Variants in ATG16L2 observed in about 807,000 individuals in gnomAD.
ATG16L2 encodes protein Atg16l2.
ATG16L2 carries 77 observed loss-of-function variants against 84.7 expected under a neutral mutation model. The observed-to-expected ratio is 0.91, with a 90% confidence interval of 0.76 to 1.10. ATG16L2 has a LOEUF of 1.10. ATG16L2 is among the 50% of genes least tolerant of loss of function. The pLI, the probability that ATG16L2 is intolerant of heterozygous loss-of-function variation, is 0.00. For synonymous variants in ATG16L2, 361 were observed against 342.8 expected, an observed-to-expected ratio of 1.05 and a Z score of -0.59; for missense variants, 782 against 817.6, an observed-to-expected ratio of 0.96 and a Z score of 0.53.
intron 5 of ATG16L2, among the ~76,000 whole-genome samples, chr11:72,842,316 C>A (rs1057412571): frequency 6.6e-6 from 1 of 152,210 alleles, no homozygotes; most frequent in Non-Finnish European, 1.5e-5. Context: ...CTTCCCTCTT[C>A]GGTTTGTTTC....
intron 1 of ATG16L2, among the ~76,000 whole-genome samples, chr11:72,815,639 T>A (rs1859661815): frequency 6.6e-6 from 1 of 152,102 alleles, no homozygotes; most frequent in Non-Finnish European, 1.5e-5. Flanking sequence ...TCTTCTTACT[T>A]GTTAATTGGG....
Position 72,826,183 on chromosome 11 carries a change from G to T in ATG16L2, c.1113G>T (p.Glu371Asp). Residue 371 changes from glutamate (E) to aspartate (D), a missense_variant, in exon 11 of 18, where the codon GAG (glutamate) becomes GAT (aspartate). Coordinates refer to ENST00000321297, the MANE Select transcript of ATG16L2 (RefSeq NM_033388.2). ...CCCTGGTCCTCCCAGGTCGCCTGGA[G>T]GCCAACCAGACCCTGGAGGGAGCTG... ...HLWNVVGSRL[E>D]ANQTLEGAGG... is the part of the protein sequence containing the mutation. The T allele has an allele frequency of 1.2e-6, 2 of 1,613,378 alleles. No individual in the cohort carries two copies. Among genetic ancestry groups the T allele is most frequent in the Non-Finnish European group, 1.7e-6 (2 of 1,179,498 alleles).
intron 1 of ATG16L2, among the ~76,000 whole-genome samples, chr11:72,815,078 C>T (rs10751216): frequency 0.5 from 76,654 of 152,144 alleles, 19,513 homozygotes; most frequent in East Asian, 0.63. Context: ...TGGAACACCT[C>T]CCTGTCAGCC....
At chr11:72,840,906 G>C in intron 5 of ATG16L2, 2 of 1,613,182 alleles carry the variant, frequency 1.2e-6, no homozygotes, top group Non-Finnish European at 1.7e-6. Flanking sequence ...GAGGTCTCAG[G>C]AGTATGCCTT....
chr11:72,841,344 A>C, intron 5 of ATG16L2: 3 of 425,526 alleles, frequency 7.1e-6, no homozygotes. Flanking sequence ...TGTCTCCAAA[A>C]AAAAAAAAAA....
At chr11:72,823,503 C>G (rs1001779308) in intron 7 of ATG16L2, 2 of 369,278 alleles carry the variant, frequency 5.4e-6, no homozygotes, top group African/African-American at 4.3e-5. Flanking sequence ...TTGAGGCTGC[C>G]CGCTCTGGGC....
intron 14 of ATG16L2, among the ~76,000 whole-genome samples, chr11:72,827,890 G>A (rs538448260): frequency 1.3e-5 from 2 of 152,272 alleles, no homozygotes; most frequent in African/African-American, 4.8e-5. Flanking sequence ...CCCAGATTGC[G>A]CCACTGCCGT....
At chr11:72,828,859 C>T (rs1860515668) in intron 16 of ATG16L2, 24 bp from the exon 17 acceptor site, 1 of 1,614,036 alleles carries the variant, frequency 6.2e-7, no homozygotes, top group Non-Finnish European at 8.5e-7. Context: ...CCCCCGTTTT[C>T]TTGCTCTGCT....
chr11:72,826,844 C>A (rs1441475591), intron 13 of ATG16L2, 21 bp downstream of exon 13: 1 of 1,610,418 alleles, frequency 6.2e-7, no homozygotes, highest in African/African-American at 1.3e-5. Flanking sequence ...GCCCCAGCCC[C>A]ACCTCTCCTC....
rs1459109433 is a variant in ATG16L2 at position 72,827,162 on chromosome 11, C to T, written c.1367-26C>T. On this transcript the variant is annotated intron_variant, in intron 13 of 17. Transcript: ENST00000321297. ...GCTCCCGACAACCCTCCTCTGAGGC[C>T]CTGGGGTCTGCTGCTTGGTCCCCAG... 4 of 1,587,780 alleles carry T rather than the reference C, an allele frequency of 2.5e-6. No individual in the cohort carries two copies. The South Asian group carries it at 4.4e-5, about 18-fold the overall frequency.
Position 72,822,990 on chromosome 11 carries a change from T to A in ATG16L2, c.824+29T>A. The stretch of plus-strand genomic sequence containing the variant: ...AGGACCCAGGTGACAGTCTCAGAGC[T>A]CTGAGCTGAGCCCCACCCCAGAGGC... On this transcript the variant is annotated intron_variant, in intron 7 of 17. Coordinates refer to ENST00000321297, the MANE Select transcript of ATG16L2 (RefSeq NM_033388.2). The surrounding 1 kb of genome is among the most constrained non-coding windows in gnomAD (Gnocchi z 4.2). 2.7e-6 allele frequency: 4 copies of A among 1,496,492 alleles called. No homozygotes were observed. The highest frequency in any genetic ancestry group is 3.6e-6 in the Non-Finnish European group (4 of 1,101,452). The allele number at this position is 1,496,492 out of a possible 1,614,324, so 92.7% of individuals were successfully genotyped here.
At position 72,839,015 on chromosome 11, in the gene ATG16L2, C is replaced by A; in HGVS notation, c.*22-3602C>A. On this transcript the variant is annotated intron_variant, in intron 5 of 5. Coordinates refer to the ATG16L2 transcript ENST00000534905. ...AATGTTGTGAGCACGTGCTTTCAACCTAGTCTTCACTATTTCCTACACTGA... is the reference window on the plus strand; with the variant it reads ...AATGTTGTGAGCACGTGCTTTCAACATAGTCTTCACTATTTCCTACACTGA... 6.2e-6 allele frequency: 4 copies of A among 649,982 alleles called. No homozygotes were observed. The South Asian group carries it at 7.3e-5, about 12-fold the overall frequency. The allele number at this position is 649,982 out of a possible 1,614,324, so 40.3% of individuals were successfully genotyped here.
chr11:72,843,375 A>G, exon 6 of ATG16L2: 8 of 1,610,518 alleles, frequency 5.0e-6, no homozygotes, highest in Non-Finnish European at 6.8e-6. Context: ...CACAATTTAG[A>G]CAGGGCACAA....
intron 5 of ATG16L2, chr11:72,838,721 TAAAA>T: frequency 2.2e-6 from 3 of 1,364,318 alleles, no homozygotes; most frequent in Middle Eastern, 2.3e-4. Flanking sequence ...CAAAGGTGCC[TAAAA>T]AACAAGACTG....
intron 14 of ATG16L2, among the ~76,000 whole-genome samples, chr11:72,827,911 C>T (rs1457493153): frequency 2.0e-5 from 3 of 152,194 alleles, no homozygotes; most frequent in Middle Eastern, 3.4e-3. Flanking sequence ...CCAGCCTGGG[C>T]GACAGAGCGA....
At chr11:72,824,345 A>C (rs984287352) in intron 8 of ATG16L2, 9 of 597,556 alleles carry the variant, frequency 1.5e-5, no homozygotes, top group Non-Finnish European at 2.7e-5. Context: ...TCTTCATCCA[A>C]GGTCGTCACA....
Position 72,828,450 on chromosome 11 carries a change from C to T in ATG16L2, c.1564C>T (p.Arg522Ter), listed in dbSNP as rs750703393. The T allele has an allele frequency of 1.7e-5, 27 of 1,614,026 alleles. No homozygotes were observed. The highest frequency in any genetic ancestry group is 2.2e-5 in the East Asian group (1 of 44,862). Residue 522 changes from arginine (R) to a stop codon, truncating the protein, a stop_gained, in exon 15 of 18, where the codon CGA becomes TGA. Coordinates refer to ENST00000321297, the MANE Select transcript of ATG16L2 (RefSeq NM_033388.2). LOFTEE classifies it high-confidence loss of function. ...CCAACTGCACCTGCTCAGCTGTTCC[C>T]GAGACAACACACTCAAGGTCATCGA... ...HDQLHLLSCS[R>*]DNTLKVIDLR...
At chr11:72,825,526 T>C (rs1860298908) in intron 10 of ATG16L2, 119 bp downstream of exon 10, 2 of 773,988 alleles carry the variant, frequency 2.6e-6, no homozygotes. Flanking sequence ...GAATATTCTG[T>C]GGGCAGTGAC....
At chr11:72,814,682 G>T (rs1859601645) in intron 1 of ATG16L2, 119 bp downstream of exon 1, 1 of 752,562 alleles carries the variant, frequency 1.3e-6, no homozygotes, top group Admixed American at 3.3e-5. Flanking sequence ...TATGCCTTGA[G>T]CCTGTGCGTT....
Sources: allele counts gnomAD v4.1 joint callset (sites outside exome capture counted in the v4.1 genomes callset), GRCh38; gene constraint gnomAD v4.1.1; non-coding constraint Gnocchi (gnomAD v3.1); transcripts MANE v1.5; gene names NCBI Gene and HGNC (gene_info 2026-07-23, HGNC 2026-07-21).